Variants in DCC observed in about 807,000 individuals in gnomAD.
DCC encodes netrin receptor DCC.
In DCC, 58 loss-of-function variants were observed where a neutral mutation model predicts 172.5. The observed-to-expected ratio is 0.34, with a 90% CI of 0.27 to 0.42. DCC has a LOEUF of 0.42. Ranked by LOEUF, DCC falls within the 10% of genes least tolerant of loss-of-function variation. The pLI is 1.00. For synonymous variants in DCC, 709 were observed against 644.5 expected, an observed-to-expected ratio of 1.10 and a Z score of -1.52; for missense variants, 1,740 against 1,791.0, an observed-to-expected ratio of 0.97 and a Z score of 0.51.
chr18:52,821,228 C>T (rs2038401514), intron 2 of DCC, among the ~76,000 whole-genome samples: 1 of 152,154 alleles, frequency 6.6e-6, no homozygotes, highest in Non-Finnish European at 1.5e-5. Flanking sequence ...CTCCACTTCC[C>T]CCTTGTTACC....
chr18:53,386,906 T>C (rs939831195), intron 16 of DCC, among the ~76,000 whole-genome samples: 5 of 152,210 alleles, frequency 3.3e-5, no homozygotes, highest in African/African-American at 1.2e-4. Context: ...TCAGAGTCCC[T>C]GGAAAGTCAC....
At chr18:52,834,332 G>T (rs908916873) in intron 2 of DCC, among the ~76,000 whole-genome samples, 10 of 152,196 alleles carry the variant, frequency 6.6e-5, no homozygotes, top group Admixed American at 6.5e-4. Flanking sequence ...TTCTCAAAAT[G>T]TGGTGGCTCC....
chr18:53,163,261 G>A (rs2054870030), intron 8 of DCC, among the ~76,000 whole-genome samples: 1 of 132,514 alleles, frequency 7.5e-6, no homozygotes, highest in African/African-American at 2.5e-5. Flanking sequence ...ATTCTCGATA[G>A]ATTTTTTTCT....
intron 5 of DCC, among the ~76,000 whole-genome samples, chr18:53,060,772 A>G (rs1242432948): frequency 1.3e-5 from 2 of 152,152 alleles, no homozygotes; most frequent in East Asian, 3.9e-4. Context: ...AATGAGTCCT[A>G]CAACCCCAAG....
At chr18:52,858,137 T>G (rs2145355446) in intron 2 of DCC, among the ~76,000 whole-genome samples, 1 of 152,326 alleles carries the variant, frequency 6.6e-6, no homozygotes, top group Admixed American at 6.5e-5. Context: ...GTAGTTGACA[T>G]TTACTGCATA....
intron 2 of DCC, among the ~76,000 whole-genome samples, chr18:52,863,398 G>A (rs112664101): frequency 2.0e-5 from 3 of 151,592 alleles, no homozygotes; most frequent in Non-Finnish European, 2.9e-5. Flanking sequence ...AATACATATC[G>A]TATAAGTTTT....
chr18:53,373,006 T>C (rs1286717847), intron 15 of DCC, among the ~76,000 whole-genome samples: 4 of 152,204 alleles, frequency 2.6e-5, no homozygotes, highest in Non-Finnish European at 5.9e-5. Context: ...TAAAGAAAGC[T>C]GAGCCTAACC....
chr18:53,056,795 T>C (rs1301674656), intron 5 of DCC, among the ~76,000 whole-genome samples: 2 of 152,016 alleles, frequency 1.3e-5, no homozygotes, highest in Non-Finnish European at 2.9e-5. Flanking sequence ...TTTCTCCTAA[T>C]AAAATCTGTT....
At position 53,222,370 on chromosome 18, in the gene DCC, CTTTTTCTTTTTTCTTTTTTTT is replaced by C. The variant is rs1228036706; in HGVS notation, c.1911+6779_1911+6799del. 9.1e-3 allele frequency among the ~76,000 whole-genome samples: 1,145 copies of C among 125,296 alleles called. 12 individuals carry two copies. The highest frequency in any genetic ancestry group is 0.033 in the African/African-American group (1,054 of 32,164). 82.2% of individuals were successfully genotyped at this position (125,296 alleles called of 152,430 possible). A position where few individuals can be genotyped will look rare whatever the true frequency, so the allele number is the denominator to read the frequency against. The stretch of plus-strand genomic sequence containing the variant: ...GAGAATACTTACCTTTTTCTTTTTT[CTTTTTCTTTTTTCTTTTTTTT>C]TTTTTTTTTTTGAAATGGAGTCTTG... On this transcript the variant is annotated intron_variant, in intron 12 of 28. Coordinates refer to ENST00000442544, the MANE Select transcript of DCC (RefSeq NM_005215.4).
At chr18:52,703,323 A>G (rs1301574750) in intron 1 of DCC, among the ~76,000 whole-genome samples, 1 of 152,122 alleles carries the variant, frequency 6.6e-6, no homozygotes, top group African/African-American at 2.4e-5. Flanking sequence ...CTCCTTCTTC[A>G]TCCCCTATAT....
Position 53,335,368 on chromosome 18 carries a change from CTAT to C in DCC, c.2165-4344_2165-4342del, listed in dbSNP as rs2057580409. 2.8e-4 allele frequency among the ~76,000 whole-genome samples: 42 copies of C among 152,268 alleles called. No individual in the cohort carries two copies. In the South Asian group the frequency reaches 6.8e-3, roughly 25 times the overall value. ...ATGTTTTGTCTTTCCTCTCCCACCA[CTAT>C]ATTTTTAGTACCTAGAACTACAACT... On this transcript the variant is annotated intron_variant, in intron 14 of 28. Transcript: ENST00000442544.
intron 21 of DCC, among the ~76,000 whole-genome samples, chr18:53,430,713 A>G (rs1568128290): frequency 6.6e-6 from 1 of 152,206 alleles, no homozygotes; most frequent in Non-Finnish European, 1.5e-5. Context: ...ATTTGTACTT[A>G]TTATTAAAAC....
intron 27 of DCC, among the ~76,000 whole-genome samples, chr18:53,523,178 G>A (rs2046419162): frequency 6.6e-6 from 1 of 152,056 alleles, no homozygotes; most frequent in African/African-American, 2.4e-5. Flanking sequence ...CATCATCACT[G>A]GTCATTAGAG....
intron 1 of DCC, among the ~76,000 whole-genome samples, chr18:52,666,719 A>C (rs1465347252): frequency 6.6e-6 from 1 of 152,234 alleles, no homozygotes; most frequent in Non-Finnish European, 1.5e-5. Flanking sequence ...ATTTGTCTAA[A>C]GAAAATAACT....
At chr18:53,197,694 C>A in intron 9 of DCC, among the ~76,000 whole-genome samples, 1 of 151,708 alleles carries the variant, frequency 6.6e-6, no homozygotes, top group Admixed American at 6.6e-5. Flanking sequence ...TATTCAGATT[C>A]TTTTTTGAAA....
chr18:52,743,261 T>G (rs2036851735), intron 1 of DCC, among the ~76,000 whole-genome samples: 1 of 152,190 alleles, frequency 6.6e-6, no homozygotes, highest in African/African-American at 2.4e-5. Context: ...TAAAATGCCA[T>G]CCCTCTCTCT....
At chr18:52,726,817 G>A (rs1187395843) in intron 1 of DCC, among the ~76,000 whole-genome samples, 1 of 152,214 alleles carries the variant, frequency 6.6e-6, no homozygotes, top group Non-Finnish European at 1.5e-5. Flanking sequence ...TCATAGATCA[G>A]ATGTGAGGAA....
In DCC at chr18:53,399,631, G is replaced by T. The variant is rs1278173721; in HGVS notation, c.2827+2185G>T. ...CCAAAGAAATCAGAGGGGGCCGGGCGCGGTGGCTCACGCCTGTAATCCCAG... is the reference window on the plus strand; with the variant it reads ...CCAAAGAAATCAGAGGGGGCCGGGCTCGGTGGCTCACGCCTGTAATCCCAG... On this transcript the variant is annotated intron_variant, in intron 18 of 28. Transcript: ENST00000442544. Among the ~76,000 whole-genome samples, 6 of 10,294 alleles carry T rather than the reference G, an allele frequency of 5.8e-4. 3 individuals carry two copies. The highest frequency in any genetic ancestry group is 4.4e-3 in the Admixed American group (2 of 452). The allele number at this position is 10,294 out of a possible 152,430, so 6.8% of individuals were successfully genotyped here.
At chr18:52,644,528 G>C (rs1037491612) in intron 1 of DCC, among the ~76,000 whole-genome samples, 1 of 148,438 alleles carries the variant, frequency 6.7e-6, no homozygotes, top group Non-Finnish European at 1.5e-5. Flanking sequence ...GCGGTGAACC[G>C]AGATTGCGCC....
Sources: allele counts gnomAD v4.1 joint callset (sites outside exome capture counted in the v4.1 genomes callset), GRCh38; gene constraint gnomAD v4.1.1; transcripts MANE v1.5; gene names NCBI Gene and HGNC (gene_info 2026-07-23, HGNC 2026-07-21).